PHACTR2: variants seen among roughly 807,000 people sequenced by gnomAD.
PHACTR2 encodes the protein phosphatase and actin regulator 2, also known as chromosome 6 open reading frame 56.
Under a neutral mutation model 76.0 loss-of-function variants are expected in PHACTR2, and 30 were observed. That is an observed-to-expected ratio of 0.39 (90% CI 0.30 to 0.54). PHACTR2 has a LOEUF of 0.54. Among genes scored for constraint, PHACTR2 ranks in the 20% least tolerant of loss-of-function variants. The probability of loss-of-function intolerance (pLI) is 0.61; values close to 1 mark genes in which losing one functional copy is unlikely to be tolerated. For synonymous variants in PHACTR2, 292 were observed against 292.5 expected, an observed-to-expected ratio of 1.00 and a Z score of 0.02; for missense variants, 696 against 781.1, an observed-to-expected ratio of 0.89 and a Z score of 1.30.
At position 143,708,785 on chromosome 6, in the gene PHACTR2, T is replaced by C. The variant is rs1218418590; in HGVS notation, c.47-3231T>C. The stretch of plus-strand genomic sequence containing the variant: ...AACATATGGTTTCTAATTGCAAATA[T>C]GGTCTATGATAGGGGAAAAATAGGC... On this transcript the variant is annotated intron_variant, in intron 1 of 12. Coordinates refer to ENST00000440869, the MANE Select transcript of PHACTR2 (RefSeq NM_001100164.2). This position sits in a 1 kb window ranked among gnomAD's most constrained non-coding sequence, Gnocchi z 5.5. Among the ~76,000 whole-genome samples, 1 of 152,226 alleles carries C rather than the reference T, an allele frequency of 6.6e-6. No homozygotes were observed. The highest frequency in any genetic ancestry group is 2.4e-5 in the African/African-American group (1 of 41,468).
At position 143,618,070 on chromosome 6, in the gene PHACTR2, T is replaced by C. The variant is rs1439382076; in HGVS notation, c.13+9748T>C. Reference sequence around the variant, plus strand: ...ATTCTGTATAATAGAAGAGGTACATTATTAGACCCCCAAATAGCACTGCTA... The same window carrying C: ...ATTCTGTATAATAGAAGAGGTACATCATTAGACCCCCAAATAGCACTGCTA... On this transcript the variant is annotated intron_variant, in intron 1 of 11. Transcript: ENST00000305766. This position sits in a 1 kb window ranked among gnomAD's most constrained non-coding sequence, Gnocchi z 5.2. 6.6e-6 allele frequency among the ~76,000 whole-genome samples: 1 copy of C among 152,180 alleles called. No individual in the cohort carries two copies. The highest frequency in any genetic ancestry group is 1.5e-5 in the Non-Finnish European group (1 of 68,024).
At position 143,818,612 on chromosome 6, in the gene PHACTR2, A is replaced by G. The variant is rs1009066299; in HGVS notation, c.1923-5062A>G. On this transcript the variant is annotated intron_variant, in intron 12 of 12. Coordinates refer to ENST00000440869, the MANE Select transcript of PHACTR2 (RefSeq NM_001100164.2). The surrounding 1 kb of genome is among the most constrained non-coding windows in gnomAD (Gnocchi z 4.9). ...AGAGATTTAATTGACTCACAGTTCC[A>G]TGTGGCTGGGGAGGTCTCAGGAAAC... Among the ~76,000 whole-genome samples, 1 of 152,202 alleles carries G rather than the reference A, an allele frequency of 6.6e-6. No individual in the cohort carries two copies.
intron 1 of PHACTR2, among the ~76,000 whole-genome samples, chr6:143,594,451 T>C (rs1016860986): frequency 1.3e-5 from 2 of 152,232 alleles, no homozygotes; most frequent in Non-Finnish European, 2.9e-5. Context: ...GGAATGAATT[T>C]GTTCAAGAAA....
At chr6:143,600,899 A>G (rs1021107823) in intron 1 of PHACTR2, among the ~76,000 whole-genome samples, 8 of 152,250 alleles carry the variant, frequency 5.3e-5, no homozygotes, top group African/African-American at 1.9e-4. Flanking sequence ...TTGGGCCTAT[A>G]CATTGAGCCT....
At chr6:143,741,488 A>G (rs922389309) in intron 2 of PHACTR2, among the ~76,000 whole-genome samples, 3 of 152,192 alleles carry the variant, frequency 2.0e-5, no homozygotes, top group Admixed American at 6.5e-5. Flanking sequence ...GTGAGATTCC[A>G]TCTGAAAACA....
chr6:143,547,447 C>T lies in PHACTR2; in HGVS notation c.217+10240C>T, dbSNP rs946746889. Among the ~76,000 whole-genome samples, 5 of 152,136 alleles carry T rather than the reference C, an allele frequency of 3.3e-5. No homozygotes were observed. Among genetic ancestry groups the T allele is most frequent in the African/African-American group, 9.7e-5 (4 of 41,420 alleles). Reference sequence around the variant, plus strand: ...TTCACATTACTTTATAGTAACACTGCGTACCTCCAAAATATATAACCACAC... The same window carrying T: ...TTCACATTACTTTATAGTAACACTGTGTACCTCCAAAATATATAACCACAC... On this transcript the variant is annotated intron_variant, in intron 1 of 11. Coordinates refer to the PHACTR2 transcript ENST00000367584. This position sits in a 1 kb window ranked among gnomAD's most constrained non-coding sequence, Gnocchi z 4.2.
At position 143,739,290 on chromosome 6, in the gene PHACTR2, G is replaced by A. The variant is rs374618365; in HGVS notation, c.215-9695G>A. On this transcript the variant is annotated intron_variant, in intron 2 of 12. Coordinates refer to ENST00000440869, the MANE Select transcript of PHACTR2 (RefSeq NM_001100164.2). The surrounding 1 kb of genome is among the most constrained non-coding windows in gnomAD (Gnocchi z 4.3). ...ATGTTAGCCAGGATGGTCTCGATCT[G>A]CTGACCTCATGATCCACCAGCCTCG... Among the ~76,000 whole-genome samples the A allele has an allele frequency of 1.3e-5, 2 of 152,100 alleles. No individual in the cohort carries two copies. The highest frequency in any genetic ancestry group is 3.9e-4 in the East Asian group (2 of 5,180).
chr6:143,683,861 A>T lies in PHACTR2; in HGVS notation c.46+5652A>T, dbSNP rs1205686727. ...TTTTCATCTATAACCCAGCATGAAC[A>T]GTTTTTTTCATTCCACACAGTTTTC... On this transcript the variant is annotated intron_variant, in intron 1 of 12. Transcript: ENST00000440869. The surrounding 1 kb of genome is among the most constrained non-coding windows in gnomAD (Gnocchi z 4.1). Among the ~76,000 whole-genome samples the T allele has an allele frequency of 6.6e-6, 1 of 152,158 alleles. No individual in the cohort carries two copies. Among genetic ancestry groups the T allele is most frequent in the Non-Finnish European group, 1.5e-5 (1 of 68,026 alleles).
At chr6:143,714,241 G>T (rs1778250823) in intron 2 of PHACTR2, among the ~76,000 whole-genome samples, 1 of 152,182 alleles carries the variant, frequency 6.6e-6, no homozygotes, top group Non-Finnish European at 1.5e-5. Flanking sequence ...ATAAAAGAAA[G>T]TTCATTTCTT....
rs376998285 is a variant in PHACTR2, at chr6:143,659,463, G to T, written c.13+51141G>T. The stretch of plus-strand genomic sequence containing the variant: ...ACTGAGGAAGGATACACCTGGAAGT[G>T]CATGTGGTCACTGGGCAGCACGCCA... On this transcript the variant is annotated intron_variant, in intron 1 of 11. Transcript: ENST00000305766. The surrounding 1 kb of genome is among the most constrained non-coding windows in gnomAD (Gnocchi z 5.0). Among the ~76,000 whole-genome samples the T allele has an allele frequency of 5.1e-4, 78 of 152,316 alleles. No homozygotes were observed. The South Asian group carries it at 0.016, about 30-fold the overall frequency.
chr6:143,783,448 T>G lies in PHACTR2; in HGVS notation c.1707+168T>G, dbSNP rs1435299327. On this transcript the variant is annotated intron_variant, in intron 10 of 12. Coordinates refer to ENST00000440869, the MANE Select transcript of PHACTR2 (RefSeq NM_001100164.2). This position sits in a 1 kb window ranked among gnomAD's most constrained non-coding sequence, Gnocchi z 5.2. Reference sequence around the variant, plus strand: ...AAGCCTGGGCAACATGGTGAAACCCTAGCTCTACAAAAAATAAAAAAATTA... The same window carrying G: ...AAGCCTGGGCAACATGGTGAAACCCGAGCTCTACAAAAAATAAAAAAATTA... 6.6e-6 allele frequency among the ~76,000 whole-genome samples: 1 copy of G among 152,080 alleles called. No individual in the cohort carries two copies. The highest frequency in any genetic ancestry group is 2.4e-5 in the African/African-American group (1 of 41,422).
At chr6:143,728,388 T>C (rs1050099556) in intron 2 of PHACTR2, among the ~76,000 whole-genome samples, 7 of 151,770 alleles carry the variant, frequency 4.6e-5, no homozygotes, top group Admixed American at 3.9e-4. Context: ...GTTTTTTATA[T>C]TTTTTTGTGG....
rs750602141 is a variant in PHACTR2 at position 143,826,599 on chromosome 6, AATAAAAC to A, written c.*2913_*2919del. 1 of 152,134 alleles carries A rather than the reference AATAAAAC, an allele frequency of 6.6e-6. No individual in the cohort carries two copies. Among genetic ancestry groups the A allele is most frequent in the Non-Finnish European group, 1.5e-5 (1 of 68,036 alleles). 9.4% of individuals were successfully genotyped at this position (152,134 alleles called of 1,614,324 possible). ...GACCATTTTAGTTTTTTTATTGGAGAATAAAACATTAATATTAGGGTATTAAGAAGAT... is the reference window on the plus strand; with the variant it reads ...GACCATTTTAGTTTTTTTATTGGAGAATTAATATTAGGGTATTAAGAAGAT... On this transcript the variant is annotated 3_prime_UTR_variant, in exon 13 of 13. Coordinates refer to ENST00000440869, the MANE Select transcript of PHACTR2 (RefSeq NM_001100164.2).
intron 1 of PHACTR2, among the ~76,000 whole-genome samples, chr6:143,600,900 C>T (rs968180567): frequency 3.3e-5 from 5 of 152,320 alleles, no homozygotes; most frequent in African/African-American, 9.6e-5. Context: ...TGGGCCTATA[C>T]ATTGAGCCTG....
In PHACTR2 at chr6:143,596,752, C is replaced by A. The variant is rs991980734; in HGVS notation, c.217+59545C>A. ...ACTTGGGAGGCTAAGGCAGGAGGAT[C>A]GCTTAAGCCCAGGAGTTTGAGGTTG... is the stretch of plus-strand genomic sequence containing the variant. On this transcript the variant is annotated intron_variant, in intron 1 of 11. Transcript: ENST00000367584. This position sits in a 1 kb window ranked among gnomAD's most constrained non-coding sequence, Gnocchi z 4.6. Among the ~76,000 whole-genome samples the A allele has an allele frequency of 1.3e-5, 2 of 152,028 alleles. No homozygotes were observed. Among genetic ancestry groups the A allele is most frequent in the African/African-American group, 4.8e-5 (2 of 41,392 alleles).
rs568054712 is a variant in PHACTR2 at position 143,624,834 on chromosome 6, T to C, written c.13+16512T>C. Among the ~76,000 whole-genome samples the C allele has an allele frequency of 5.9e-5, 9 of 152,108 alleles. No homozygotes were observed. In the South Asian group the frequency reaches 6.2e-4, roughly 11 times the overall value. ...TGAGTACAGTGTCAGATATCAGAGA[T>C]GGAGACCACAGCAAAGAGCTGATAA... On this transcript the variant is annotated intron_variant, in intron 1 of 11. Coordinates refer to the PHACTR2 transcript ENST00000305766. The surrounding 1 kb of genome is among the most constrained non-coding windows in gnomAD (Gnocchi z 4.6).
chr6:143,674,589 C>A (rs1777209292), upstream of PHACTR2, among the ~76,000 whole-genome samples: 2 of 152,260 alleles, frequency 1.3e-5, no homozygotes, highest in South Asian at 4.1e-4. The surrounding 1 kb of genome is among the most constrained non-coding windows in gnomAD (Gnocchi z 4.9). Flanking sequence ...TCTGATCAAC[C>A]ATCTCATCTC....
chr6:143,633,651 G>A lies in PHACTR2; in HGVS notation c.13+25329G>A, dbSNP rs1317463947. Reference sequence around the variant, plus strand: ...AGTAGAAGTTGTTAATTTTAATGAAGTCAAGCATATTAATTATTTATTTCA... The same window carrying A: ...AGTAGAAGTTGTTAATTTTAATGAAATCAAGCATATTAATTATTTATTTCA... On this transcript the variant is annotated intron_variant, in intron 1 of 11. Coordinates refer to the PHACTR2 transcript ENST00000305766. This position sits in a 1 kb window ranked among gnomAD's most constrained non-coding sequence, Gnocchi z 4.1. 6.6e-6 allele frequency among the ~76,000 whole-genome samples: 1 copy of A among 152,112 alleles called. No individual in the cohort carries two copies. Among genetic ancestry groups the A allele is most frequent in the Non-Finnish European group, 1.5e-5 (1 of 68,034 alleles).
At position 143,822,341 on chromosome 6, in the gene PHACTR2, G is replaced by T. The variant is rs575847043; in HGVS notation, c.1923-1333G>T. On this transcript the variant is annotated intron_variant, in intron 12 of 12. Coordinates refer to ENST00000440869, the MANE Select transcript of PHACTR2 (RefSeq NM_001100164.2). This position sits in a 1 kb window ranked among gnomAD's most constrained non-coding sequence, Gnocchi z 5.5. ...CCATGCCCAGCTTAAATTTTATTTT[G>T]TAGGTAATGGGGAACAATACGATCC... is the stretch of plus-strand genomic sequence containing the variant. 1.1e-4 allele frequency among the ~76,000 whole-genome samples: 16 copies of T among 152,116 alleles called. No homozygotes were observed. In the South Asian group the frequency reaches 1.7e-3, roughly 16 times the overall value.
Sources: allele counts gnomAD v4.1 joint callset (sites outside exome capture counted in the v4.1 genomes callset), GRCh38; gene constraint gnomAD v4.1.1; non-coding constraint Gnocchi (gnomAD v3.1); transcripts MANE v1.5; gene names NCBI Gene and HGNC (gene_info 2026-07-23, HGNC 2026-07-21).